INSC: variants seen among roughly 807,000 people sequenced by gnomAD.
INSC encodes the protein INSC spindle orientation adaptor protein.
A neutral mutation model predicts 58.6 loss-of-function variants in INSC; 67 were observed. The observed-to-expected ratio is 1.14, with a 90% confidence interval of 0.94 to 1.40. The LOEUF is 1.40. Ranked by LOEUF, INSC falls within the 40% of genes most tolerant of loss-of-function variation. INSC has a pLI of 0.00. For synonymous variants in INSC, 262 were observed against 276.1 expected (o/e 0.95, Z 0.51); for missense variants, 714 against 692.0 (o/e 1.03, Z -0.36).
At chr11:15,173,902 T>C (rs1849486397) in intron 2 of INSC, among the ~76,000 whole-genome samples, 1 of 152,208 alleles carries the variant, frequency 6.6e-6, no homozygotes, top group Non-Finnish European at 1.5e-5. Context: ...GAAGACATGA[T>C]TTTTTAACCT....
chr11:15,161,916 A>C (rs906416213), intron 2 of INSC, among the ~76,000 whole-genome samples: 1 of 152,224 alleles, frequency 6.6e-6, no homozygotes, highest in Non-Finnish European at 1.5e-5. Context: ...TGGGAAGTTA[A>C]TAGCCTAACC....
chr11:15,143,050 A>G (rs1201038353), intron 1 of INSC, among the ~76,000 whole-genome samples: 1 of 152,168 alleles, frequency 6.6e-6, no homozygotes, highest in African/African-American at 2.4e-5. Context: ...TCCTTCCACA[A>G]GAACCCATCC....
chr11:15,175,859 C>A lies in INSC; in HGVS notation c.175C>A (p.Gln59Lys). 6.2e-7 allele frequency: 1 copy of A among 1,614,022 alleles called. No homozygotes were observed. The highest frequency in any genetic ancestry group is 1.7e-5 in the Admixed American group (1 of 60,024). The change falls in exon 3 of 13, where the codon CAG becomes AAG. Residue 59 changes from glutamine to lysine, a missense_variant. Coordinates refer to ENST00000379556, the MANE Select transcript of INSC (RefSeq NM_001042536.3). ...GCCCATCAGCCTGGAAGAGGATGCACAGGGTGACCTCATCCTGGCAGGTGG... is the reference window on the plus strand; with the variant it reads ...GCCCATCAGCCTGGAAGAGGATGCAAAGGGTGACCTCATCCTGGCAGGTGG... ...AKPISLEEDA[Q>K]GDLILAGGPG... is the part of the protein sequence containing the mutation.
At chr11:15,185,985 G>A (rs755242677) in intron 5 of INSC, among the ~76,000 whole-genome samples, 1 of 144,774 alleles carries the variant, frequency 6.9e-6, no homozygotes, top group Non-Finnish European at 1.6e-5. Context: ...TTCTAGTTCT[G>A]TATTATGAGG....
At chr11:15,252,633 T>C in the INSC span, among the ~76,000 whole-genome samples, 44 of 152,308 alleles carry the variant, frequency 2.9e-4, no homozygotes, top group African/African-American at 7.5e-4. Context: ...GAATCTATCC[T>C]TTTTATGCGC....
At chr11:15,142,264 C>G (rs1052701117) in intron 1 of INSC, among the ~76,000 whole-genome samples, 1 of 152,214 alleles carries the variant, frequency 6.6e-6, no homozygotes, top group Non-Finnish European at 1.5e-5. Flanking sequence ...AAAGTGACCA[C>G]TCCTTTTTCT....
chr11:15,181,345 T>G (rs1384203200), intron 5 of INSC, among the ~76,000 whole-genome samples: 1 of 152,240 alleles, frequency 6.6e-6, no homozygotes, highest in Non-Finnish European at 1.5e-5. Flanking sequence ...TTTTAGGAAA[T>G]GCAATTCGAG....
intron 2 of INSC, among the ~76,000 whole-genome samples, chr11:15,174,241 C>T (rs969318861): frequency 6.6e-5 from 10 of 152,210 alleles, no homozygotes; most frequent in Admixed American, 6.5e-5. Context: ...TGGCATCCTT[C>T]GTCGTGTGCT....
chr11:15,127,013 T>A (rs987053492), intron 1 of INSC, among the ~76,000 whole-genome samples: 1 of 152,202 alleles, frequency 6.6e-6, no homozygotes, highest in African/African-American at 2.4e-5. Flanking sequence ...GTCCTGATCA[T>A]GGCTGTTGCC....
chr11:15,232,017 C>T (rs547036795), intron 9 of INSC, among the ~76,000 whole-genome samples: 7 of 152,336 alleles, frequency 4.6e-5, no homozygotes, highest in African/African-American at 1.7e-4. Context: ...CTCACAGGGA[C>T]ATTTCTTCTC....
chr11:15,125,760 C>T (rs987139354), intron 1 of INSC, among the ~76,000 whole-genome samples: 5 of 152,140 alleles, frequency 3.3e-5, no homozygotes, highest in African/African-American at 9.7e-5. Context: ...CTTTGGCCCT[C>T]TCAGGGAGAA....
intron 10 of INSC, among the ~76,000 whole-genome samples, chr11:15,237,632 G>T (rs193076622): frequency 2.6e-5 from 4 of 152,260 alleles, no homozygotes; most frequent in Admixed American, 2.6e-4. Context: ...GGCCTCTAAG[G>T]TCTGGACAGG....
intron 11 of INSC, among the ~76,000 whole-genome samples, chr11:15,239,856 G>A (rs1365259680): frequency 5.3e-5 from 8 of 152,112 alleles, no homozygotes; most frequent in Non-Finnish European, 1.0e-4. Flanking sequence ...AGGGCTCTTC[G>A]GGAAGAAGCA....
chr11:15,263,309 C>A, the INSC span, among the ~76,000 whole-genome samples: 15 of 152,060 alleles, frequency 9.9e-5, no homozygotes, highest in African/African-American at 3.6e-4. Context: ...GATGTAAGGG[C>A]TCAAAAACTT....
intron 5 of INSC, among the ~76,000 whole-genome samples, chr11:15,186,589 A>G (rs1849977368): frequency 6.6e-6 from 1 of 152,218 alleles, no homozygotes; most frequent in Non-Finnish European, 1.5e-5. Flanking sequence ...TAAATTGGAT[A>G]TTCCCACTTA....
intron 1 of INSC, among the ~76,000 whole-genome samples, chr11:15,116,875 C>T: frequency 2.3e-5 from 1 of 42,684 alleles, no homozygotes; most frequent in African/African-American, 1.2e-4. Flanking sequence ...CTCTCTCTCT[C>T]TCCCCCTCCC....
chr11:15,230,514 C>T (rs1420639920), intron 9 of INSC, among the ~76,000 whole-genome samples: 1 of 152,178 alleles, frequency 6.6e-6, no homozygotes, highest in Admixed American at 6.5e-5. Flanking sequence ...CAATCACCTC[C>T]CACCAGGCTC....
At chr11:15,174,168 C>A (rs998979310) in intron 2 of INSC, among the ~76,000 whole-genome samples, 1 of 152,032 alleles carries the variant, frequency 6.6e-6, no homozygotes, top group Non-Finnish European at 1.5e-5. Flanking sequence ...GACACTTCTG[C>A]CCCCAGAGCC....
chr11:15,225,483 G>A (rs1354827304), intron 8 of INSC, among the ~76,000 whole-genome samples, 167 bp from the exon 9 acceptor site: 1 of 152,154 alleles, frequency 6.6e-6, no homozygotes, highest in Non-Finnish European at 1.5e-5. Context: ...TTTGCCACCT[G>A]GGTAGACAGA....
Sources: gnomAD v4.1 joint callset for allele counts (sites outside exome capture counted in the v4.1 genomes callset) on GRCh38, gnomAD v4.1.1 for gene constraint, MANE v1.5 for transcripts, NCBI Gene and HGNC (gene_info 2026-07-23, HGNC 2026-07-21) for gene names.